RALYL: variants seen among roughly 807,000 people sequenced by gnomAD.
RALYL encodes RALY RNA binding protein like.
Under a neutral mutation model 35.1 loss-of-function variants are expected in RALYL, and 29 were observed. The observed-to-expected ratio is 0.83, with a 90% CI of 0.61 to 1.13. The LOEUF (loss-of-function observed/expected upper bound fraction) is 1.13, where lower values mean the gene tolerates loss of function less well. Ranked by LOEUF, RALYL falls within the 50% of genes most tolerant of loss-of-function variation. RALYL has a pLI of 0.00. For missense variants in RALYL, 359 were observed against 360.4 expected (o/e 1.00, Z 0.03); for synonymous variants, 120 against 127.6 (o/e 0.94, Z 0.40).
intron 4 of RALYL, among the ~76,000 whole-genome samples, chr8:84,819,269 G>GTAATC (rs1174746052): frequency 6.6e-6 from 1 of 152,010 alleles, no homozygotes; most frequent in East Asian, 1.9e-4. Context: ...CGCTATTTTT[G>GTAATC]TAATCTAAAG....
intron 4 of RALYL, among the ~76,000 whole-genome samples, chr8:84,819,575 A>G (rs1263929269): frequency 6.6e-6 from 1 of 152,200 alleles, no homozygotes; most frequent in Admixed American, 6.5e-5. Context: ...TTCAATAGTA[A>G]AATACAGTAG....
intron 8 of RALYL, among the ~76,000 whole-genome samples, chr8:84,890,268 CTG>C (rs557725309): frequency 8.6e-4 from 131 of 152,216 alleles, no homozygotes; most frequent in African/African-American, 2.8e-3. Context: ...CTGCAAGTGA[CTG>C]TGATTAGTCT....
chr8:84,422,002 A>C (rs962555753), intron 1 of RALYL, among the ~76,000 whole-genome samples: 1 of 152,098 alleles, frequency 6.6e-6, no homozygotes, highest in Non-Finnish European at 1.5e-5. Flanking sequence ...TATTGGTCTA[A>C]AATTCTCTTT....
rs188246582 is a variant in RALYL at position 84,671,211 on chromosome 8, G to A, written c.257-103368G>A. On this transcript the variant is annotated intron_variant, in intron 2 of 8. Coordinates refer to ENST00000521268, the MANE Select transcript of RALYL (RefSeq NM_173848.7). Reference sequence around the variant, plus strand: ...CAGGTCATGCTGATGCAAGAGGTGGGCTCCCACAGTCTTGGCCAGCTCTGT... The same window carrying A: ...CAGGTCATGCTGATGCAAGAGGTGGACTCCCACAGTCTTGGCCAGCTCTGT... Among the ~76,000 whole-genome samples the A allele has an allele frequency of 4.2e-4, 64 of 152,210 alleles. 1 individual carries two copies. Among genetic ancestry groups the A allele is most frequent in the Non-Finnish European group, 8.2e-4 (56 of 68,004 alleles).
chr8:84,587,693 AT>A (rs2136071834), intron 2 of RALYL, among the ~76,000 whole-genome samples: 1 of 152,332 alleles, frequency 6.6e-6, no homozygotes, highest in East Asian at 1.9e-4. Context: ...TAAATTAAAT[AT>A]TTATATGAAT....
intron 2 of RALYL, among the ~76,000 whole-genome samples, chr8:84,654,953 G>T (rs76518017): frequency 1.3e-5 from 2 of 151,966 alleles, no homozygotes; most frequent in East Asian, 3.9e-4. Context: ...TATACCTAGC[G>T]GTGGGATTGC....
intron 2 of RALYL, among the ~76,000 whole-genome samples, chr8:84,667,212 A>G (rs1832259648): frequency 1.3e-5 from 2 of 151,758 alleles, no homozygotes; most frequent in Non-Finnish European, 2.9e-5. Context: ...TATTTCCTGT[A>G]AACTGTTAGC....
intron 2 of RALYL, among the ~76,000 whole-genome samples, chr8:84,577,042 G>A (rs893356378): frequency 1.3e-5 from 2 of 152,160 alleles, no homozygotes; most frequent in African/African-American, 2.4e-5. Flanking sequence ...GAAGGTGACA[G>A]GTGTTTTCCC....
At chr8:84,220,243 T>A (rs180784462) in intron 1 of RALYL, among the ~76,000 whole-genome samples, 1 of 152,216 alleles carries the variant, frequency 6.6e-6, no homozygotes, top group Admixed American at 6.6e-5. Context: ...TCTTTAAGAC[T>A]ACATAAAGGT....
At position 84,448,202 on chromosome 8, in the gene RALYL, A is replaced by G. The variant is rs1458287096; in HGVS notation, c.-23-81097A>G. Among the ~76,000 whole-genome samples the G allele has an allele frequency of 5.3e-5, 8 of 151,982 alleles. 1 individual carries two copies. The South Asian group carries it at 8.3e-4, about 16-fold the overall frequency. On this transcript the variant is annotated intron_variant, in intron 1 of 8. Coordinates refer to ENST00000521268, the MANE Select transcript of RALYL (RefSeq NM_173848.7). ...CAACCACCCTCCAGCCCACCCTTCCACACATACCTAGTGTCATATCCTAAG... is the reference window on the plus strand; with the variant it reads ...CAACCACCCTCCAGCCCACCCTTCCGCACATACCTAGTGTCATATCCTAAG...
At chr8:84,806,947 G>T (rs972616526) in intron 4 of RALYL, among the ~76,000 whole-genome samples, 1 of 152,010 alleles carries the variant, frequency 6.6e-6, no homozygotes, top group African/African-American at 2.4e-5. Context: ...GCAGGTCCGG[G>T]CTACAATGAA....
chr8:84,715,949 A>T (rs1842895482), intron 2 of RALYL, among the ~76,000 whole-genome samples: 1 of 152,112 alleles, frequency 6.6e-6, no homozygotes, highest in Admixed American at 6.5e-5. Flanking sequence ...AATAAAAATT[A>T]TGTCCACATT....
chr8:84,253,923 A>C (rs868234674), intron 1 of RALYL, among the ~76,000 whole-genome samples: 1 of 152,044 alleles, frequency 6.6e-6, no homozygotes, highest in Non-Finnish European at 1.5e-5. Flanking sequence ...AGCTCAATCC[A>C]TATTGTCTAT....
chr8:84,742,584 C>A (rs371224005), intron 2 of RALYL, among the ~76,000 whole-genome samples: 23 of 151,994 alleles, frequency 1.5e-4, no homozygotes, highest in African/African-American at 5.3e-4. Context: ...TGTTCCATGG[C>A]TGTGACTCCA....
chr8:84,268,013 C>T (rs1833651240), intron 1 of RALYL, among the ~76,000 whole-genome samples: 1 of 152,122 alleles, frequency 6.6e-6, no homozygotes, highest in Non-Finnish European at 1.5e-5. Flanking sequence ...TAAACTTGCT[C>T]CACTTGTTCA....
intron 1 of RALYL, among the ~76,000 whole-genome samples, chr8:84,419,169 T>C (rs2132332486): frequency 6.6e-6 from 1 of 152,284 alleles, no homozygotes; most frequent in South Asian, 2.1e-4. Context: ...CCTCCAGCCA[T>C]GCTACTATTA....
chr8:84,721,066 C>T (rs181327627), intron 2 of RALYL, among the ~76,000 whole-genome samples: 2 of 151,900 alleles, frequency 1.3e-5, no homozygotes, highest in South Asian at 2.1e-4. Context: ...TATGAAGATT[C>T]CTTTTGAGAC....
At chr8:84,891,950 T>A (rs779491661) in intron 8 of RALYL, among the ~76,000 whole-genome samples, 1 of 152,230 alleles carries the variant, frequency 6.6e-6, no homozygotes, top group Non-Finnish European at 1.5e-5. Context: ...CCCATTTGGC[T>A]GCTCAAGGCA....
At chr8:84,309,219 A>T (rs1481760059) in intron 1 of RALYL, among the ~76,000 whole-genome samples, 1 of 151,332 alleles carries the variant, frequency 6.6e-6, no homozygotes. Flanking sequence ...TATATAATTA[A>T]TTAGGTGCAT....
Sources: allele counts gnomAD v4.1 joint callset (sites outside exome capture counted in the v4.1 genomes callset), GRCh38; gene constraint gnomAD v4.1.1; transcripts MANE v1.5; gene names NCBI Gene and HGNC (gene_info 2026-07-23, HGNC 2026-07-21).